Variants in WWOX observed in about 807,000 individuals in gnomAD.
WWOX encodes the protein WW domain-containing oxidoreductase.
Under a neutral mutation model 46.2 loss-of-function variants are expected in WWOX, and 69 were observed. The observed-to-expected ratio is 1.49, with a 90% CI of 1.23 to 1.82. The LOEUF is 1.82. Ranked by LOEUF, WWOX falls within the 40% of genes most tolerant of loss-of-function variation. The pLI, the probability that WWOX is intolerant of heterozygous loss-of-function variation, is 0.00. For missense variants in WWOX, 919 were observed against 542.6 expected (o/e 1.69, Z -6.89); for synonymous variants, 359 against 202.6 (o/e 1.77, Z -6.56).
intron 5 of WWOX, among the ~76,000 whole-genome samples, chr16:78,381,372 G>A (rs2081954098): frequency 6.6e-6 from 1 of 152,164 alleles, no homozygotes; most frequent in African/African-American, 2.4e-5. Flanking sequence ...AGGTGGCAGT[G>A]AACTGTGCTA....
At chr16:79,007,095 C>G (rs530483977) in intron 8 of WWOX, among the ~76,000 whole-genome samples, 1 of 152,104 alleles carries the variant, frequency 6.6e-6, no homozygotes, top group Non-Finnish European at 1.5e-5. Flanking sequence ...GGCGCTATGC[C>G]AAGCAGAGAG....
At chr16:78,930,925 G>A (rs2045611022) in intron 8 of WWOX, among the ~76,000 whole-genome samples, 1 of 152,066 alleles carries the variant, frequency 6.6e-6, no homozygotes, top group South Asian at 2.1e-4. Context: ...TCGTTCCCAG[G>A]TCCTATCACT....
At chr16:78,860,667 C>A (rs372523037) in intron 8 of WWOX, among the ~76,000 whole-genome samples, 4 of 152,252 alleles carry the variant, frequency 2.6e-5, no homozygotes, top group South Asian at 2.1e-4. Flanking sequence ...AATGATAATG[C>A]GTGAAAAAGA....
intron 8 of WWOX, among the ~76,000 whole-genome samples, chr16:78,708,433 G>A (rs1490700382): frequency 6.6e-6 from 1 of 152,132 alleles, no homozygotes; most frequent in Non-Finnish European, 1.5e-5. Context: ...GCCCTGCTGT[G>A]TCACAGGGTC....
chr16:78,702,007 T>TTATATATATATATATATATATA (rs869227421), intron 8 of WWOX, among the ~76,000 whole-genome samples: 24 of 57,612 alleles, frequency 4.2e-4, no homozygotes, highest in Non-Finnish European at 6.0e-4. Context: ...CTACATAAAA[T>TTATATATATATATATATATATA]TATATATATA....
chr16:79,113,001 A>T (rs1321426410), intron 8 of WWOX, among the ~76,000 whole-genome samples: 4 of 152,228 alleles, frequency 2.6e-5, no homozygotes, highest in Non-Finnish European at 5.9e-5. Flanking sequence ...TGATCTAGCA[A>T]GTTCTTGTTG....
intron 8 of WWOX, among the ~76,000 whole-genome samples, chr16:79,024,568 G>C (rs1048576542): frequency 1.3e-5 from 2 of 152,044 alleles, no homozygotes; most frequent in African/African-American, 4.8e-5. Flanking sequence ...CGAGTAGCTG[G>C]GACTACAGGC....
rs144013694 is a variant in WWOX at position 78,853,587 on chromosome 16, G to C, written c.1057-358021G>C. 4.0e-3 allele frequency among the ~76,000 whole-genome samples: 615 copies of C among 152,180 alleles called. 1 individual carries two copies. The highest frequency in any genetic ancestry group is 0.019 in the East Asian group (98 of 5,176). ...TTCTTGACCATGAGGCAGAATCTTT[G>C]TATTTTCTTCTCATCAAGGATTTTA... On this transcript the variant is annotated intron_variant, in intron 8 of 8. Transcript: ENST00000566780.
chr16:78,588,865 T>C (rs1007361349), intron 8 of WWOX, among the ~76,000 whole-genome samples: 6 of 152,014 alleles, frequency 3.9e-5, no homozygotes, highest in Admixed American at 1.3e-4. Flanking sequence ...GGTGATGGGG[T>C]GGTAGTGATA....
At chr16:78,813,120 C>G (rs368034015) in intron 8 of WWOX, among the ~76,000 whole-genome samples, 13 of 144,852 alleles carry the variant, frequency 9.0e-5, no homozygotes, top group African/African-American at 2.6e-4. Flanking sequence ...ACACGTTGTT[C>G]TATAAGTGGT....
At chr16:78,636,140 A>T (rs1402815157) in intron 8 of WWOX, among the ~76,000 whole-genome samples, 1 of 152,174 alleles carries the variant, frequency 6.6e-6, no homozygotes, top group Non-Finnish European at 1.5e-5. Flanking sequence ...TTCTGGCTCC[A>T]GTTTAATAAA....
At chr16:78,427,638 G>T (rs1388811940) in intron 7 of WWOX, among the ~76,000 whole-genome samples, 1 of 152,026 alleles carries the variant, frequency 6.6e-6, no homozygotes, top group African/African-American at 2.4e-5. Context: ...ATAAAATTGG[G>T]CTTGGTAGCA....
chr16:78,865,002 A>T (rs1405771468), intron 8 of WWOX, among the ~76,000 whole-genome samples: 2 of 151,846 alleles, frequency 1.3e-5, no homozygotes, highest in African/African-American at 2.4e-5. Context: ...ACCTCAAGTG[A>T]TCCACCCATC....
At position 78,823,056 on chromosome 16, in the gene WWOX, G is replaced by A. The variant is rs146752506; in HGVS notation, c.1057-388552G>A. 3.3e-5 allele frequency among the ~76,000 whole-genome samples: 5 copies of A among 152,300 alleles called. No homozygotes were observed. In the East Asian group the frequency reaches 9.6e-4, roughly 29 times the overall value. On this transcript the variant is annotated intron_variant, in intron 8 of 8. Coordinates refer to ENST00000566780, the MANE Select transcript of WWOX (RefSeq NM_016373.4). ...GGAAAACAGGGAAAGGCCTTTTATT[G>A]CATGCTTTGAAGTTTGAATACACTT...
intron 8 of WWOX, among the ~76,000 whole-genome samples, chr16:79,092,601 C>G (rs1015283357): frequency 6.6e-6 from 1 of 152,138 alleles, no homozygotes; most frequent in Non-Finnish European, 1.5e-5. Flanking sequence ...TGGTCTTTAG[C>G]CTGATCTGAT....
chr16:78,756,659 C>G (rs1323917610), intron 8 of WWOX, among the ~76,000 whole-genome samples: 1 of 152,130 alleles, frequency 6.6e-6, no homozygotes. Flanking sequence ...TCCTTTGTTT[C>G]ACCCTGTTTG....
At chr16:78,267,422 G>A (rs577196909) in intron 5 of WWOX, among the ~76,000 whole-genome samples, 2 of 152,308 alleles carry the variant, frequency 1.3e-5, no homozygotes, top group East Asian at 1.9e-4. Context: ...GCACAATTTG[G>A]ATATTTTATT....
intron 8 of WWOX, among the ~76,000 whole-genome samples, chr16:78,485,691 T>C (rs1045556727): frequency 1.6e-4 from 24 of 152,166 alleles, no homozygotes; most frequent in African/African-American, 5.1e-4. Flanking sequence ...TGCTTCTGAT[T>C]TGGGGCAGCA....
At chr16:79,110,302 C>G (rs2049392555) in intron 8 of WWOX, among the ~76,000 whole-genome samples, 1 of 152,140 alleles carries the variant, frequency 6.6e-6, no homozygotes. Flanking sequence ...CACCTCTTCT[C>G]CTCTTACCTT....
Sources: allele counts gnomAD v4.1 joint callset (sites outside exome capture counted in the v4.1 genomes callset), GRCh38; gene constraint gnomAD v4.1.1; transcripts MANE v1.5; gene names NCBI Gene and HGNC (gene_info 2026-07-23, HGNC 2026-07-21).